Variants in ANXA8 observed in about 807,000 individuals in gnomAD.
The protein encoded by ANXA8 is VAC-beta.
A neutral mutation model predicts 26.8 loss-of-function variants in ANXA8; 9 were observed. That is an observed-to-expected ratio of 0.34 (90% CI 0.20 to 0.59). The LOEUF is 0.59. Ranked by LOEUF, ANXA8 falls within the 20% of genes least tolerant of loss-of-function variation. The pLI is 0.84. For missense variants in ANXA8, 83 were observed against 238.5 expected, an observed-to-expected ratio of 0.35 and a Z score of 4.29; for synonymous variants, 39 against 94.8, an observed-to-expected ratio of 0.41 and a Z score of 3.42.
chr10:47,546,799 C>A, the ANXA8 span, among the ~76,000 whole-genome samples: 2 of 141,978 alleles, frequency 1.4e-5, 1 homozygote, highest in African/African-American at 5.1e-5. Context: ...AAAGATAGTT[C>A]TGTTTCTATC....
At chr10:47,652,395 G>C in the ANXA8 span, among the ~76,000 whole-genome samples, 2 of 151,808 alleles carry the variant, frequency 1.3e-5, no homozygotes, top group East Asian at 1.9e-4. Flanking sequence ...CCAGGAGTTC[G>C]AGAACAGCCT....
chr10:47,632,203 G>T, the ANXA8 span, among the ~76,000 whole-genome samples: 6 of 150,842 alleles, frequency 4.0e-5, no homozygotes, highest in South Asian at 1.2e-3. Context: ...TCTTTCTCAG[G>T]TTATTATATC....
At chr10:47,953,946 T>G in the ANXA8 span, among the ~76,000 whole-genome samples, 1 of 149,696 alleles carries the variant, frequency 6.7e-6, no homozygotes, top group South Asian at 2.1e-4. Context: ...TTGGTGGGAA[T>G]GTAAATTAAT....
chr10:47,654,429 G>T, the ANXA8 span, among the ~76,000 whole-genome samples: 1 of 144,622 alleles, frequency 6.9e-6, no homozygotes, highest in Non-Finnish European at 1.5e-5. Flanking sequence ...GAGTCATGGG[G>T]GAATATCAGC....
the ANXA8 span, among the ~76,000 whole-genome samples, chr10:47,500,404 C>T: frequency 6.8e-6 from 1 of 145,994 alleles, no homozygotes; most frequent in Non-Finnish European, 1.5e-5. Context: ...GCTTTCCCTC[C>T]TGCATCACCT....
At chr10:47,675,205 A>ATG in the ANXA8 span, among the ~76,000 whole-genome samples, 1 of 145,152 alleles carries the variant, frequency 6.9e-6, no homozygotes, top group South Asian at 2.2e-4. Flanking sequence ...ATATTTCTAT[A>ATG]TGTATCCATC....
chr10:47,680,110 G>A, the ANXA8 span, among the ~76,000 whole-genome samples: 3 of 151,260 alleles, frequency 2.0e-5, no homozygotes, highest in Non-Finnish European at 4.4e-5. Flanking sequence ...CCAAGTAGCT[G>A]GGATTACAGG....
At chr10:47,553,262 T>A in the ANXA8 span, 1 of 152,066 alleles carries the variant, frequency 6.6e-6, no homozygotes, top group Non-Finnish European at 1.5e-5. Flanking sequence ...CCCCGACACC[T>A]TCCCTCCCAG....
the ANXA8 span, among the ~76,000 whole-genome samples, chr10:47,584,917 G>A: frequency 9.0e-5 from 13 of 143,954 alleles, no homozygotes; most frequent in Non-Finnish European, 1.3e-4. Context: ...GCGAAACCCC[G>A]TCTCTACTAA....
the ANXA8 span, among the ~76,000 whole-genome samples, chr10:47,683,935 A>G: frequency 1.3e-5 from 2 of 151,370 alleles, no homozygotes; most frequent in Non-Finnish European, 2.9e-5. Flanking sequence ...TGTAATAAGC[A>G]TTTTTTTTTA....
the ANXA8 span, among the ~76,000 whole-genome samples, chr10:47,524,075 C>T: frequency 6.6e-6 from 1 of 152,302 alleles, no homozygotes; most frequent in African/African-American, 2.4e-5. Context: ...CCTGGCCCCT[C>T]GTGCAGTGCC....
the ANXA8 span, among the ~76,000 whole-genome samples, chr10:47,950,475 T>C: frequency 1.3e-5 from 2 of 151,524 alleles, no homozygotes; most frequent in Non-Finnish European, 2.9e-5. Flanking sequence ...GCAAAGTCAG[T>C]TTAATCAACA....
At chr10:47,766,111 A>AG in the ANXA8 span, among the ~76,000 whole-genome samples, 1 of 142,644 alleles carries the variant, frequency 7.0e-6, no homozygotes, top group African/African-American at 2.7e-5. Flanking sequence ...CCATGAAGGC[A>AG]GGGGGCCGTG....
chr10:47,756,448 T>A, the ANXA8 span, among the ~76,000 whole-genome samples: 1 of 138,940 alleles, frequency 7.2e-6, no homozygotes, highest in Non-Finnish European at 1.6e-5. Flanking sequence ...CCTCTTTGCA[T>A]CAGGAAAGTA....
the ANXA8 span, among the ~76,000 whole-genome samples, chr10:47,603,307 A>G: frequency 1.3e-5 from 2 of 149,468 alleles, no homozygotes; most frequent in Non-Finnish European, 2.9e-5. Flanking sequence ...CATATTATAG[A>G]AAGAAATGAG....
chr10:47,733,436 G>A, the ANXA8 span, among the ~76,000 whole-genome samples: 13 of 127,936 alleles, frequency 1.0e-4, no homozygotes, highest in East Asian at 1.2e-3. Flanking sequence ...AATTTACATC[G>A]TCCCTAGAAT....
At chr10:47,749,607 A>C in the ANXA8 span, among the ~76,000 whole-genome samples, 2 of 150,722 alleles carry the variant, frequency 1.3e-5, no homozygotes, top group Admixed American at 6.6e-5. Context: ...AATGTACAGA[A>C]GTTGTAATCT....
the ANXA8 span, among the ~76,000 whole-genome samples, chr10:47,755,522 TG>T: frequency 6.7e-6 from 1 of 149,686 alleles, no homozygotes; most frequent in African/African-American, 2.5e-5. Flanking sequence ...CCCAAAGTGC[TG>T]GGATTACAGG....
the ANXA8 span, among the ~76,000 whole-genome samples, chr10:47,947,614 A>G: frequency 1.3e-5 from 2 of 150,812 alleles, no homozygotes; most frequent in Non-Finnish European, 2.9e-5. Context: ...GTGAGTTCTC[A>G]TGAGATTACC....
Sources: gnomAD v4.1 joint callset for allele counts (sites outside exome capture counted in the v4.1 genomes callset) on GRCh38, gnomAD v4.1.1 for gene constraint, MANE v1.5 for transcripts, NCBI Gene and HGNC (gene_info 2026-07-23, HGNC 2026-07-21) for gene names.